TASP1: variants seen among roughly 807,000 people sequenced by gnomAD.
TASP1 encodes threonine aspartase 1.
A neutral mutation model predicts 56.6 loss-of-function variants in TASP1; 16 were observed. The ratio of observed to expected loss-of-function variants is 0.28; its 90% CI spans 0.19 to 0.43. The LOEUF (loss-of-function observed/expected upper bound fraction) is 0.43, where lower values mean the gene tolerates loss of function less well. TASP1 is among the 20% of genes least tolerant of loss of function. The probability of loss-of-function intolerance (pLI) is 1.00; values close to 1 mark genes in which losing one functional copy is unlikely to be tolerated. For missense variants in TASP1, 393 were observed against 511.6 expected (o/e 0.77, Z 2.24); for synonymous variants, 179 against 184.2 (o/e 0.97, Z 0.23).
At chr20:13,150,935 C>T in the TASP1 span, among the ~76,000 whole-genome samples, 23 of 152,308 alleles carry the variant, frequency 1.5e-4, no homozygotes, top group African/African-American at 4.8e-4. Flanking sequence ...GGTCCAGTCT[C>T]CCTCTTATGA....
At chr20:13,273,799 C>G in the TASP1 span, among the ~76,000 whole-genome samples, 1 of 152,116 alleles carries the variant, frequency 6.6e-6, no homozygotes, top group South Asian at 2.1e-4. Flanking sequence ...TGCCTACTGC[C>G]CAGTCAAGTT....
intron 8 of TASP1, among the ~76,000 whole-genome samples, chr20:13,546,590 C>CTTG (rs33928945): frequency 0.6 from 91,664 of 151,648 alleles, 28,505 homozygotes; most frequent in Non-Finnish European, 0.68. Context: ...GATAGGAATT[C>CTTG]TTGTGATGAG....
chr20:13,161,729 G>C, the TASP1 span, among the ~76,000 whole-genome samples: 1 of 152,140 alleles, frequency 6.6e-6, no homozygotes, highest in South Asian at 2.1e-4. Context: ...GTTCCATAGA[G>C]TAGGCATTTT....
At chr20:13,155,686 C>A in the TASP1 span, among the ~76,000 whole-genome samples, 1 of 151,562 alleles carries the variant, frequency 6.6e-6, no homozygotes, top group Admixed American at 6.6e-5. Flanking sequence ...ACTAGCCGGG[C>A]GTGGTGGTGG....
At chr20:13,119,666 T>C in the TASP1 span, among the ~76,000 whole-genome samples, 1 of 152,202 alleles carries the variant, frequency 6.6e-6, no homozygotes, top group East Asian at 1.9e-4. Flanking sequence ...TTCTCTTCCC[T>C]TCATGTTACA....
chr20:13,312,075 T>G, the TASP1 span, among the ~76,000 whole-genome samples: 1 of 152,068 alleles, frequency 6.6e-6, no homozygotes, highest in Non-Finnish European at 1.5e-5. Flanking sequence ...TAATTAACTT[T>G]TTTAAAAGAA....
chr20:13,125,101 T>C, the TASP1 span, among the ~76,000 whole-genome samples: 1 of 152,282 alleles, frequency 6.6e-6, no homozygotes, highest in African/African-American at 2.4e-5. Flanking sequence ...TGAGACACTG[T>C]ATAGGTGGGC....
At chr20:13,196,469 C>T in the TASP1 span, among the ~76,000 whole-genome samples, 1 of 152,102 alleles carries the variant, frequency 6.6e-6, no homozygotes, top group Admixed American at 6.6e-5. Context: ...GTGCATATCT[C>T]TGCATGGCTG....
At chr20:13,238,527 A>C in the TASP1 span, among the ~76,000 whole-genome samples, 5 of 152,230 alleles carry the variant, frequency 3.3e-5, no homozygotes, top group Non-Finnish European at 2.9e-5. Context: ...ATCACTCCAC[A>C]TAATTCCAGT....
the TASP1 span, among the ~76,000 whole-genome samples, chr20:13,296,846 C>T: frequency 2.4e-4 from 36 of 152,220 alleles, no homozygotes; most frequent in Admixed American, 5.2e-4. Context: ...GGTGAAACCC[C>T]GTCTCTACTA....
intron 11 of TASP1, among the ~76,000 whole-genome samples, chr20:13,438,413 C>T (rs1357000671): frequency 3.3e-5 from 5 of 152,168 alleles, no homozygotes; most frequent in Admixed American, 6.5e-5. Flanking sequence ...GAAATGATTC[C>T]CTATTTAATA....
chr20:13,185,232 T>C, the TASP1 span, among the ~76,000 whole-genome samples: 1 of 152,086 alleles, frequency 6.6e-6, no homozygotes. Context: ...ATGAATAATA[T>C]AAGTTGTGTT....
At chr20:13,588,311 G>GGAAGGAAGGAAGGA in intron 4 of TASP1, among the ~76,000 whole-genome samples, 1 of 92,176 alleles carries the variant, frequency 1.1e-5, no homozygotes, top group Non-Finnish European at 2.4e-5. Context: ...GGAAGGAAGA[G>GGAAGGAAGGAAGGA]AAAGAAAAGG....
intron 13 of TASP1, chr20:13,393,739 G>C: frequency 1.3e-6 from 1 of 747,450 alleles, no homozygotes. Context: ...GCTGCTGGGA[G>C]TCCCTGCCCA....
intron 3 of TASP1, among the ~76,000 whole-genome samples, chr20:13,623,769 T>G (rs927576157): frequency 1.3e-5 from 2 of 152,192 alleles, no homozygotes; most frequent in Admixed American, 1.3e-4. Flanking sequence ...TACAAGGAAT[T>G]TAGTAAGCTT....
chr20:13,449,922 T>C (rs145510204), intron 11 of TASP1, among the ~76,000 whole-genome samples: 1 of 152,206 alleles, frequency 6.6e-6, no homozygotes, highest in East Asian at 1.9e-4. Flanking sequence ...AGTGCAATGA[T>C]ACACAGGGTG....
At chr20:13,597,237 G>C (rs2047767396) in intron 4 of TASP1, among the ~76,000 whole-genome samples, 2 of 151,992 alleles carry the variant, frequency 1.3e-5, no homozygotes, top group South Asian at 4.2e-4. Context: ...AGAAGAAGAG[G>C]ATTTTAGACC....
intron 10 of TASP1, among the ~76,000 whole-genome samples, chr20:13,510,131 T>C (rs2044274365): frequency 6.6e-6 from 1 of 151,874 alleles, no homozygotes. Flanking sequence ...AGCACCTTCC[T>C]TCTTTTCTAG....
intron 13 of TASP1, among the ~76,000 whole-genome samples, chr20:13,414,788 AT>A (rs2042200448): frequency 6.6e-6 from 1 of 152,086 alleles, no homozygotes; most frequent in South Asian, 2.1e-4. Context: ...TAGAAATTAA[AT>A]TAAATGATTT....
Sources: allele counts gnomAD v4.1 joint callset (sites outside exome capture counted in the v4.1 genomes callset), GRCh38; gene constraint gnomAD v4.1.1; transcripts MANE v1.5; gene names NCBI Gene and HGNC (gene_info 2026-07-23, HGNC 2026-07-21).